Variants in CEACAM4 observed in about 807,000 individuals in gnomAD.
CEACAM4 encodes the protein CEA cell adhesion molecule 4.
A neutral mutation model predicts 28.7 loss-of-function variants in CEACAM4; 30 were observed. The ratio of observed to expected loss-of-function variants is 1.05; its 90% CI spans 0.78 to 1.42. The LOEUF is 1.42. Ranked by LOEUF, CEACAM4 falls within the 40% of genes most tolerant of loss-of-function variation. The pLI is 0.00. For synonymous variants in CEACAM4, 143 were observed against 126.5 expected, an observed-to-expected ratio of 1.13 and a Z score of -0.87; for missense variants, 330 against 308.2, an observed-to-expected ratio of 1.07 and a Z score of -0.53.
At position 41,620,577 on chromosome 19, in the gene CEACAM4, G is replaced by T; in HGVS notation, c.593C>A (p.Pro198His). Residue 198 changes from proline to histidine, a missense_variant and splice_region_variant, in exon 4 of 7, where the codon CCT becomes CAT. Pro to His is a moderately conservative substitution (Grantham distance 77). Transcript: ENST00000221954. ...ACCTGGGCTGAAGGGACACTCACCA[G>T]GGGTGGAGGCTGGGGGCGGCTGCTC... Reference protein sequence around the residue: ...LREQPPPASTPGHGPSHRSTF... With the variant: ...LREQPPPASTHGHGPSHRSTF... 6.2e-7 allele frequency: 1 copy of T among 1,612,616 alleles called. No individual in the cohort carries two copies. Among genetic ancestry groups the T allele is most frequent in the South Asian group, 1.1e-5 (1 of 91,016 alleles).
At chr19:41,617,538 T>TG (rs2071005891), downstream of CEACAM4, among the ~76,000 whole-genome samples, 1 of 152,200 alleles carries the variant, frequency 6.6e-6, no homozygotes, top group Non-Finnish European at 1.5e-5. Flanking sequence ...GATCATGAGA[T>TG]GGGGAGGTTG....
In CEACAM4 at chr19:41,620,619, A is replaced by G; in HGVS notation, c.551T>C (p.Ile184Thr). ...LLLSRTGRAS[I>T]QRDLREQPPP... is the part of the protein sequence containing the mutation. ...CGGCTGCTCCCTGAGGTCACGCTGG[A>G]TGCTGGCCCTAGGAAAGGTCAGGAT... The change falls in exon 4 of 7, where the codon ATC becomes ACC. Residue 184 changes from isoleucine (I) to threonine (T), a missense_variant. Ile to Thr is a moderately conservative substitution (Grantham distance 89). Transcript: ENST00000221954. 6.2e-7 allele frequency: 1 copy of G among 1,612,952 alleles called. No homozygotes were observed. The highest frequency in any genetic ancestry group is 8.5e-7 in the Non-Finnish European group (1 of 1,179,268).
chr19:41,620,658 G>A lies in CEACAM4; in HGVS notation c.543-31C>T, dbSNP rs782227720. The A allele has an allele frequency of 2.5e-6, 4 of 1,599,212 alleles. No homozygotes were observed. In the East Asian group the frequency reaches 8.9e-5, roughly 36 times the overall value. ...AAAGGTCAGGATTATTCATGAGGGT[G>A]CAGGGAGAAATCACAGGTTTAGGGG... On this transcript the variant is annotated intron_variant, in intron 3 of 6. Coordinates refer to ENST00000221954, the MANE Select transcript of CEACAM4 (RefSeq NM_001817.4).
At chr19:41,614,795 G>A (rs570177751), downstream of CEACAM4, among the ~76,000 whole-genome samples, 3 of 152,184 alleles carry the variant, frequency 2.0e-5, no homozygotes, top group Non-Finnish European at 2.9e-5. Context: ...TTCTAGGAGG[G>A]GCCACCACCT....
At chr19:41,616,476 ATATAGATAGAT>A (rs2070983299), downstream of CEACAM4, among the ~76,000 whole-genome samples, 1 of 149,444 alleles carries the variant, frequency 6.7e-6, no homozygotes, top group Non-Finnish European at 1.5e-5. Context: ...ATATACATAC[ATATAGATAGAT>A]GATAGATAGA....
chr19:41,622,894 A>ATAGG (rs1169888451), intron 2 of CEACAM4, among the ~76,000 whole-genome samples: 10 of 126,910 alleles, frequency 7.9e-5, no homozygotes, highest in Admixed American at 2.9e-4. Flanking sequence ...AGATAGATAG[A>ATAGG]TAGATATAGT....
At chr19:41,624,515 C>T (rs1255185656) in intron 2 of CEACAM4, among the ~76,000 whole-genome samples, 2 of 152,168 alleles carry the variant, frequency 1.3e-5, no homozygotes, top group African/African-American at 4.8e-5. Context: ...CTGATTAATT[C>T]TGTATTTACT....
the CEACAM4 span, among the ~76,000 whole-genome samples, chr19:41,613,681 C>A: frequency 1.3e-5 from 2 of 151,960 alleles, no homozygotes; most frequent in African/African-American, 4.8e-5. Context: ...GACATGAGAT[C>A]CAGGTAATTA....
Position 41,619,020 on chromosome 19 carries a change from G to A in CEACAM4, c.*310C>T, listed in dbSNP as rs1262628897. ...GTGAGCAGAAAAAGAGCCAATGAGA[G>A]GAAGGGTCCTCTTTATTCAGATCCT... On this transcript the variant is annotated 3_prime_UTR_variant, in exon 7 of 7. Coordinates refer to ENST00000221954, the MANE Select transcript of CEACAM4 (RefSeq NM_001817.4). The A allele has an allele frequency of 2.6e-6, 1 of 389,634 alleles. No individual in the cohort carries two copies. The highest frequency in any genetic ancestry group is 4.6e-6 in the Non-Finnish European group (1 of 219,626). The allele number at this position is 389,634 out of a possible 1,614,324, so 24.1% of individuals were successfully genotyped here. A position where few individuals can be genotyped will look rare whatever the true frequency, so the allele number is the denominator to read the frequency against.
chr19:41,615,874 C>T (rs2070977170), downstream of CEACAM4, among the ~76,000 whole-genome samples: 1 of 152,072 alleles, frequency 6.6e-6, no homozygotes, highest in Non-Finnish European at 1.5e-5. Flanking sequence ...ATCTGTAGGA[C>T]CAGAGATGCC....
chr19:41,622,865 G>C, intron 2 of CEACAM4, among the ~76,000 whole-genome samples: 1 of 123,906 alleles, frequency 8.1e-6, no homozygotes, highest in East Asian at 4.4e-4. Flanking sequence ...TAGATAGATA[G>C]ATAGATAGAT....
At chr19:41,615,388 G>A (rs868916361), downstream of CEACAM4, among the ~76,000 whole-genome samples, 4 of 152,030 alleles carry the variant, frequency 2.6e-5, no homozygotes, top group South Asian at 2.1e-4. Context: ...ACACCCCTGC[G>A]CAGTGAAGCC....
At chr19:41,617,020 G>A (rs1203088574), downstream of CEACAM4, among the ~76,000 whole-genome samples, 1 of 152,110 alleles carries the variant, frequency 6.6e-6, no homozygotes, top group African/African-American at 2.4e-5. Context: ...GAGAAGAATA[G>A]CATTATCCCT....
chr19:41,613,533 A>G, the CEACAM4 span, among the ~76,000 whole-genome samples: 1 of 151,190 alleles, frequency 6.6e-6, no homozygotes, highest in Non-Finnish European at 1.5e-5. Flanking sequence ...ACCCACACCC[A>G]CACACACACA....
chr19:41,626,307 C>T (rs2071661050), intron 1 of CEACAM4, among the ~76,000 whole-genome samples: 1 of 152,150 alleles, frequency 6.6e-6, no homozygotes, highest in Non-Finnish European at 1.5e-5. Flanking sequence ...CTGGGTCTTC[C>T]CTTTCTGACC....
At chr19:41,614,910 A>G (rs2122390213), downstream of CEACAM4, among the ~76,000 whole-genome samples, 1 of 140,250 alleles carries the variant, frequency 7.1e-6, no homozygotes, top group South Asian at 2.7e-4. Flanking sequence ...GGAAGGGAAG[A>G]CAAGGGAAGA....
rs2071089429 is a variant in CEACAM4 at position 41,619,110 on chromosome 19, G to T, written c.*220C>A. ...TCCTTGCAAGCCCCCGCTTCCTGTG[G>T]TGATGAGAGGCCTTTGTCCCGGCCC... On this transcript the variant is annotated 3_prime_UTR_variant, in exon 7 of 7. Transcript: ENST00000221954. 1.8e-6 allele frequency: 1 copy of T among 559,072 alleles called. No individual in the cohort carries two copies. The highest frequency in any genetic ancestry group is 3.2e-6 in the Non-Finnish European group (1 of 316,280). 34.6% of individuals were successfully genotyped at this position (559,072 alleles called of 1,614,324 possible). A position where few individuals can be genotyped will look rare whatever the true frequency, so the allele number is the denominator to read the frequency against.
rs1555800090 is a variant in CEACAM4 at position 41,619,387 on chromosome 19, T to C, written c.678A>G (p.Leu226=). 1.2e-6 allele frequency: 2 copies of C among 1,613,982 alleles called. No homozygotes were observed. Among genetic ancestry groups the C allele is most frequent in the Admixed American group, 1.7e-5 (1 of 60,018 alleles). ...GGCAGTAAATGTTTGCATCAGAGTA[T>C]AGCAATTCCTGTAAAAACAGAGAAG... The part of the protein sequence containing the change: ...RTATPIYEEL[L]YSDANIYCQI... The change falls in exon 7 of 7, where the codon CTA becomes CTG. Residue 226 remains leucine (L), a synonymous_variant. Coordinates refer to ENST00000221954, the MANE Select transcript of CEACAM4 (RefSeq NM_001817.4).
In CEACAM4 at chr19:41,621,761, G is replaced by A. The variant is rs781815366; in HGVS notation, c.432C>T (p.Asn144=). 46 of 1,600,636 alleles carry A rather than the reference G, an allele frequency of 2.9e-5. No individual in the cohort carries two copies. Among genetic ancestry groups the A allele is most frequent in the African/African-American group, 6.7e-5 (5 of 74,504 alleles). Residue 144 remains asparagine (N), a synonymous_variant, in exon 3 of 7, where the codon AAC becomes AAT. Transcript: ENST00000221954. ...ATGQLHVHQN[N]VPGLPVGAVA... is the part of the protein sequence containing the mutation. ...CGGCCCCCACAGGAAGGCCTGGGAC[G>A]TTGTTTTCTGCAGAAAGGGGAAGGC...
Sources: allele counts gnomAD v4.1 joint callset (sites outside exome capture counted in the v4.1 genomes callset), GRCh38; gene constraint gnomAD v4.1.1; transcripts MANE v1.5; gene names NCBI Gene and HGNC (gene_info 2026-07-23, HGNC 2026-07-21).